DDX60: variants seen among roughly 807,000 people sequenced by gnomAD.
DDX60 encodes the protein DExD/H-box helicase 60, also known as probable ATP-dependent RNA helicase DDX60.
A neutral mutation model predicts 212.8 loss-of-function variants in DDX60; 165 were observed. The ratio of observed to expected loss-of-function variants is 0.78; its 90% CI spans 0.68 to 0.88. DDX60 has a LOEUF of 0.88. Ranked by LOEUF, DDX60 falls within the 40% of genes least tolerant of loss-of-function variation. The probability of loss-of-function intolerance (pLI) is 0.00; values close to 1 mark genes in which losing one functional copy is unlikely to be tolerated. For missense variants in DDX60, 1,905 were observed against 2,003.9 expected (o/e 0.95, Z 0.94); for synonymous variants, 703 against 685.3 (o/e 1.03, Z -0.40).
intron 34 of DDX60, among the ~76,000 whole-genome samples, chr4:168,224,699 T>C (rs1387270753): frequency 6.6e-6 from 1 of 152,102 alleles, no homozygotes; most frequent in East Asian, 1.9e-4. Flanking sequence ...TTATTACCTT[T>C]GTACTTTTTC....
Position 168,225,522 on chromosome 4 carries a change from T to C in DDX60, c.4681+7A>G, listed in dbSNP as rs368507579. ...ATTGTTCCACAATGGAGGTAAAATA[T>C]ACTTACTGATTTTTGACAATGGGAG... On this transcript the variant is annotated splice_region_variant and intron_variant, in intron 34 of 37. Transcript: ENST00000393743. 6.2e-7 allele frequency: 1 copy of C among 1,601,456 alleles called. No homozygotes were observed. Among genetic ancestry groups the C allele is most frequent in the Non-Finnish European group, 8.5e-7 (1 of 1,175,088 alleles).
At chr4:168,237,669 A>C in intron 31 of DDX60, 22 bp downstream of exon 31, 1 of 1,589,764 alleles carries the variant, frequency 6.3e-7, no homozygotes, top group South Asian at 1.1e-5. Context: ...ATTTCCCAAA[A>C]CAAAAGTGCA....
chr4:168,246,304 A>G, intron 30 of DDX60, 114 bp downstream of exon 30: 1 of 1,225,144 alleles, frequency 8.2e-7, no homozygotes. Context: ...ACAAAACATT[A>G]AAAGACTGAT....
intron 8 of DDX60, among the ~76,000 whole-genome samples, chr4:168,288,730 C>T (rs1286859822): frequency 6.6e-6 from 1 of 152,134 alleles, no homozygotes; most frequent in South Asian, 2.1e-4. Flanking sequence ...TTTGAGTGTT[C>T]AGGGACCTAG....
At chr4:168,269,549 T>C (rs544461698) in intron 19 of DDX60, among the ~76,000 whole-genome samples, 6 of 151,906 alleles carry the variant, frequency 3.9e-5, no homozygotes, top group Admixed American at 2.0e-4. Context: ...TGCAGTGAGC[T>C]GAGATCGCGC....
At chr4:168,322,803 A>T (rs1438373451), upstream of DDX60, among the ~76,000 whole-genome samples, 2 of 152,234 alleles carry the variant, frequency 1.3e-5, no homozygotes, top group Admixed American at 1.3e-4. Flanking sequence ...TGTGCCACAC[A>T]GGGCCACACC....
At chr4:168,249,584 T>C (rs1185873618) in intron 28 of DDX60, among the ~76,000 whole-genome samples, 1 of 152,210 alleles carries the variant, frequency 6.6e-6, no homozygotes, top group African/African-American at 2.4e-5. Context: ...ACTATTTTCA[T>C]AGTACCTTTT....
At chr4:168,270,478 C>T (rs115377721) in intron 19 of DDX60, among the ~76,000 whole-genome samples, 2,545 of 152,274 alleles carry the variant, frequency 0.017, 56 homozygotes, top group African/African-American at 0.056. Context: ...AGACATTAGC[C>T]TTTAAAACCT....
chr4:168,322,326 A>G (rs1737624235), upstream of DDX60, among the ~76,000 whole-genome samples: 1 of 152,162 alleles, frequency 6.6e-6, no homozygotes, highest in Non-Finnish European at 1.5e-5. Flanking sequence ...GAAACCTGGG[A>G]GCCATTGTTG....
Position 168,283,480 on chromosome 4 carries a change from T to A in DDX60, c.1688A>T (p.Lys563Met), listed in dbSNP as rs560183978. Residue 563 changes from lysine to methionine, a missense_variant, in exon 13 of 38, where the codon AAG (lysine) becomes ATG (methionine). By Grantham distance (95) the Lys-to-Met change is moderately conservative. Transcript: ENST00000393743. The stretch of plus-strand genomic sequence containing the variant: ...TTTGCTCTTGGGCCCACTAAAATCC[T>A]TCTTTGACTTAATAGTTTGAGTCAC... ...IIVTQTIKSKKDFSGPKSKKA... is the reference protein window; with the variant it reads ...IIVTQTIKSKMDFSGPKSKKA... 1 of 1,613,558 alleles carries A rather than the reference T, an allele frequency of 6.2e-7. No individual in the cohort carries two copies. The highest frequency in any genetic ancestry group is 1.1e-5 in the South Asian group (1 of 91,050).
chr4:168,238,815 T>C (rs1272844555), intron 30 of DDX60, among the ~76,000 whole-genome samples: 2 of 152,104 alleles, frequency 1.3e-5, no homozygotes, highest in Non-Finnish European at 2.9e-5. Context: ...ATTAATGTCA[T>C]CCAGATAATC....
chr4:168,235,757 T>TA (rs1432113325), intron 33 of DDX60, among the ~76,000 whole-genome samples: 6 of 151,988 alleles, frequency 3.9e-5, no homozygotes, highest in Non-Finnish European at 5.9e-5. Context: ...ATGTTACAAA[T>TA]AAAATCGAAA....
rs763840360 is a variant in DDX60 at position 168,283,509 on chromosome 4, G to A, written c.1659C>T (p.Ile553=). The change falls in exon 13 of 38, where the codon ATC becomes ATT. Residue 553 remains isoleucine (I), a synonymous_variant. Transcript: ENST00000393743. ...TTGACTTAATAGTTTGAGTCACGATGATTTTCGAAGAGACTGTTTCTAATG... is the reference window on the plus strand; with the variant it reads ...TTGACTTAATAGTTTGAGTCACGATAATTTTCGAAGAGACTGTTTCTAATG... ...GNSLETVSSK[I]IVTQTIKSKK... 1.2e-6 allele frequency: 2 copies of A among 1,613,560 alleles called. No individual in the cohort carries two copies.
chr4:168,304,934 C>T (rs972116956), intron 5 of DDX60, among the ~76,000 whole-genome samples: 4 of 152,124 alleles, frequency 2.6e-5, no homozygotes, highest in South Asian at 2.1e-4. Context: ...CACATTCACT[C>T]GTCAGTCACT....
At chr4:168,285,997 A>T (rs1735828791) in intron 10 of DDX60, among the ~76,000 whole-genome samples, 1 of 124,416 alleles carries the variant, frequency 8.0e-6, no homozygotes. Flanking sequence ...AAAGAAAGAA[A>T]GAAAGGAGGG....
At chr4:168,241,802 T>C (rs1354252504) in intron 30 of DDX60, among the ~76,000 whole-genome samples, 2 of 152,076 alleles carry the variant, frequency 1.3e-5, no homozygotes, top group African/African-American at 4.8e-5. Context: ...CTGCATAAAT[T>C]TGCATAGGTA....
chr4:168,276,134 T>C lies in DDX60; in HGVS notation c.2026A>G (p.Ile676Val), dbSNP rs1735328027. ...GAGTATTTTTCCATCAAGGAGTGGA[T>C]CCTTTTCATCACCTGAACAGCTATA... Reference protein sequence around the residue: ...LSIAVQVMKRIHSLMEKYSEL... With the variant: ...LSIAVQVMKRVHSLMEKYSEL... The change falls in exon 15 of 38, where the codon ATC becomes GTC. Residue 676 changes from isoleucine (I) to valine (V), a missense_variant. Transcript: ENST00000393743. 6.2e-7 allele frequency: 1 copy of C among 1,613,292 alleles called. No homozygotes were observed. Among genetic ancestry groups the C allele is most frequent in the African/African-American group, 1.3e-5 (1 of 74,886 alleles).
At chr4:168,309,398 C>T (rs1260546246) in intron 3 of DDX60, among the ~76,000 whole-genome samples, 1 of 152,070 alleles carries the variant, frequency 6.6e-6, no homozygotes, top group Non-Finnish European at 1.5e-5. Context: ...CCACCACTTC[C>T]AGATAAATAA....
rs1733690809 is a variant in DDX60, at chr4:168,238,016, C to CA, written c.4165-222dup. Among the ~76,000 whole-genome samples, 4 of 152,000 alleles carry CA rather than the reference C, an allele frequency of 2.6e-5. No homozygotes were observed. The South Asian group carries it at 8.3e-4, about 32-fold the overall frequency. On this transcript the variant is annotated intron_variant, in intron 30 of 37. Coordinates refer to ENST00000393743, the MANE Select transcript of DDX60 (RefSeq NM_017631.6). ...GTCAGAAATGAAACGTATTGCCAAA[C>CA]AGTCTGATTATTAAAGCCATTCCAG... is the stretch of plus-strand genomic sequence containing the variant.
Sources: gnomAD v4.1 joint callset for allele counts (sites outside exome capture counted in the v4.1 genomes callset) on GRCh38, gnomAD v4.1.1 for gene constraint, MANE v1.5 for transcripts, NCBI Gene and HGNC (gene_info 2026-07-23, HGNC 2026-07-21) for gene names.